The following TRMT1L variants were observed in gnomAD, a reference collection of about 807,000 sequenced individuals.
The protein encoded by TRMT1L is tRNA (guanine(27)-N(2))-dimethyltransferase.
TRMT1L carries 28 observed loss-of-function variants against 81.6 expected under a neutral mutation model. The ratio of observed to expected loss-of-function variants is 0.34; its 90% CI spans 0.25 to 0.47. The LOEUF is 0.47. Among genes scored for constraint, TRMT1L ranks in the 20% least tolerant of loss-of-function variants. The pLI is 1.00. For missense variants in TRMT1L, 739 were observed against 877.1 expected, an observed-to-expected ratio of 0.84 and a Z score of 1.99; for synonymous variants, 301 against 303.2, an observed-to-expected ratio of 0.99 and a Z score of 0.07.
At chr1:185,138,910 T>C (rs566710493) in intron 9 of TRMT1L, among the ~76,000 whole-genome samples, 1 of 152,278 alleles carries the variant, frequency 6.6e-6, no homozygotes, top group South Asian at 2.1e-4. Flanking sequence ...CCTCAACCTA[T>C]AATCGTAGCT....
At chr1:185,126,266 C>G (rs1381017148) in intron 11 of TRMT1L, among the ~76,000 whole-genome samples, 1 of 152,092 alleles carries the variant, frequency 6.6e-6, no homozygotes, top group Non-Finnish European at 1.5e-5. Context: ...ACTTTTCAGT[C>G]TTATATTCCT....
At chr1:185,141,690 C>T (rs1006478493) in intron 7 of TRMT1L, among the ~76,000 whole-genome samples, 7 of 151,982 alleles carry the variant, frequency 4.6e-5, no homozygotes, top group African/African-American at 7.2e-5. Flanking sequence ...GGTGACAGAG[C>T]GAAACTCTGT....
chr1:185,156,409 TC>T, intron 1 of TRMT1L, 68 bp downstream of exon 1: 1 of 1,612,710 alleles, frequency 6.2e-7, no homozygotes, highest in Non-Finnish European at 8.5e-7. Context: ...GTGAAGGGCC[TC>T]CCCTACTTCC....
At chr1:185,140,969 CAAA>C (rs538571932) in intron 7 of TRMT1L, among the ~76,000 whole-genome samples, 1 of 88,914 alleles carries the variant, frequency 1.1e-5, no homozygotes, top group Non-Finnish European at 2.4e-5. Context: ...GACCCTATCT[CAAA>C]AAAAAAAAAA....
intron 13 of TRMT1L, among the ~76,000 whole-genome samples, chr1:185,123,646 C>T (rs1349343002): frequency 1.3e-5 from 2 of 152,064 alleles, no homozygotes; most frequent in Non-Finnish European, 2.9e-5. Flanking sequence ...AAAGGGATAA[C>T]CATATATTAC....
intron 13 of TRMT1L, among the ~76,000 whole-genome samples, chr1:185,121,443 TAAAAA>T (rs879814063): frequency 1.4e-5 from 2 of 144,352 alleles, no homozygotes; most frequent in African/African-American, 5.1e-5. Flanking sequence ...CCCTGTCTCT[TAAAAA>T]AAAAAAAGTA....
At chr1:185,127,780 A>C (rs1297534483) in intron 11 of TRMT1L, among the ~76,000 whole-genome samples, 1 of 151,374 alleles carries the variant, frequency 6.6e-6, no homozygotes, top group African/African-American at 2.4e-5. Flanking sequence ...AAAAAAAAAA[A>C]AAAGAATCTC....
rs775013870 is a variant in TRMT1L, at chr1:185,119,814, T to TTAAG, written c.*201_*204dup. The TTAAG allele has an allele frequency of 4.0e-5, 20 of 501,490 alleles. No individual in the cohort carries two copies. Among genetic ancestry groups the TTAAG allele is most frequent in the African/African-American group, 1.2e-4 (6 of 51,910 alleles). 31.1% of individuals were successfully genotyped at this position (501,490 alleles called of 1,614,324 possible). A position where few individuals can be genotyped will look rare whatever the true frequency, so the allele number is the denominator to read the frequency against. On this transcript the variant is annotated 3_prime_UTR_variant, in exon 15 of 15. Transcript: ENST00000367506. The stretch of plus-strand genomic sequence containing the variant: ...CATATGAAATGTTTCCATTAAAATT[T>TTAAG]TAAGTTTGCCTTAAAACAAAAAAAA...
At chr1:185,156,155 C>G (rs1222489598) in intron 1 of TRMT1L, among the ~76,000 whole-genome samples, 2 of 152,196 alleles carry the variant, frequency 1.3e-5, no homozygotes, top group African/African-American at 4.8e-5. Context: ...GGGAAACTAC[C>G]AAATTATGTG....
rs1652455636 is a variant in TRMT1L at position 185,119,916 on chromosome 1, T to G, written c.*103A>C. 1 of 1,287,438 alleles carries G rather than the reference T, an allele frequency of 7.8e-7. No homozygotes were observed. The highest frequency in any genetic ancestry group is 1.0e-6 in the Non-Finnish European group (1 of 968,288). 79.8% of individuals were successfully genotyped at this position (1,287,438 alleles called of 1,614,324 possible). ...TGAATGAAAATGACACTGTTTTTTA[T>G]TTTTACTCTACTGAATTGAAAGAAC... On this transcript the variant is annotated 3_prime_UTR_variant, in exon 15 of 15. Coordinates refer to ENST00000367506, the MANE Select transcript of TRMT1L (RefSeq NM_030934.5).
At position 185,145,550 on chromosome 1, in the gene TRMT1L, C is replaced by T. The variant is rs766704960; in HGVS notation, c.544G>A (p.Ala182Thr). Residue 182 changes from alanine (A) to threonine (T), a missense_variant, in exon 5 of 15, where the codon GCC becomes ACC. By Grantham distance (58) the Ala-to-Thr change is moderately conservative. Coordinates refer to ENST00000367506, the MANE Select transcript of TRMT1L (RefSeq NM_030934.5). ...GAACAAATGATACAATGATAATGGG[C>T]TCCCATTTTACTGGTTATCTATCAA... ...IGEQITSKMG[A>T]HYHCIICSAT... The T allele has an allele frequency of 2.5e-6, 4 of 1,611,278 alleles. No individual in the cohort carries two copies. In the Admixed American group the frequency reaches 5.0e-5, roughly 20 times the overall value.
At chr1:185,130,531 T>A (rs183883510) in intron 10 of TRMT1L, among the ~76,000 whole-genome samples, 2 of 152,300 alleles carry the variant, frequency 1.3e-5, no homozygotes, top group Non-Finnish European at 2.9e-5. Flanking sequence ...AACAGAAAGT[T>A]CATTAGTGTT....
chr1:185,141,557 A>G (rs1455237315), intron 7 of TRMT1L, among the ~76,000 whole-genome samples: 1 of 152,152 alleles, frequency 6.6e-6, no homozygotes. Context: ...TACAAAAATC[A>G]GCCAGGCGTG....
At chr1:185,134,489 T>C (rs1452412179) in intron 10 of TRMT1L, among the ~76,000 whole-genome samples, 3 of 152,260 alleles carry the variant, frequency 2.0e-5, no homozygotes, top group South Asian at 2.1e-4. Context: ...GCCCAGCTAT[T>C]TGACTTTTTA....
chr1:185,156,552 G>A lies in TRMT1L; in HGVS notation c.161C>T (p.Ala54Val). The stretch of plus-strand genomic sequence containing the variant: ...AGCCTGGGCCAGGGCAGGGGCTGGG[G>A]CTGGAGCCGAGGCCGGAGTCGGAGC... ...DSAPTPASAP[A>V]PAPALAQAPA... Residue 54 changes from alanine (A) to valine (V), a missense_variant, in exon 1 of 15, where the codon GCC becomes GTC. By Grantham distance (64) the Ala-to-Val change is moderately conservative. Coordinates refer to ENST00000367506, the MANE Select transcript of TRMT1L (RefSeq NM_030934.5). 1 of 1,606,278 alleles carries A rather than the reference G, an allele frequency of 6.2e-7. No individual in the cohort carries two copies. Among genetic ancestry groups the A allele is most frequent in the South Asian group, 1.1e-5 (1 of 90,510 alleles).
At chr1:185,120,928 G>A (rs1652485316) in intron 13 of TRMT1L, 2 of 153,222 alleles carry the variant, frequency 1.3e-5, no homozygotes, top group Admixed American at 6.5e-5. Context: ...TAAGGACAAT[G>A]TCTTTCATTT....
intron 12 of TRMT1L, among the ~76,000 whole-genome samples, chr1:185,124,200 T>C (rs879307734): frequency 1.1e-4 from 16 of 152,170 alleles, no homozygotes; most frequent in Non-Finnish European, 2.1e-4. Context: ...ACACATAGCT[T>C]TACTGAATGA....
chr1:185,134,096 T>A (rs1652838782), intron 10 of TRMT1L, among the ~76,000 whole-genome samples: 1 of 152,200 alleles, frequency 6.6e-6, no homozygotes, highest in Non-Finnish European at 1.5e-5. Context: ...GTAAGCATTA[T>A]AAGAAACAGC....
intron 3 of TRMT1L, among the ~76,000 whole-genome samples, chr1:185,148,455 G>T (rs1490149100): frequency 6.6e-6 from 1 of 152,080 alleles, no homozygotes; most frequent in African/African-American, 2.4e-5. Context: ...GGCAGATTTG[G>T]TTGCTTCTAC....
Sources: gnomAD v4.1 joint callset for allele counts (sites outside exome capture counted in the v4.1 genomes callset) on GRCh38, gnomAD v4.1.1 for gene constraint, MANE v1.5 for transcripts, NCBI Gene and HGNC (gene_info 2026-07-23, HGNC 2026-07-21) for gene names.